FAM193A: variants seen among roughly 807,000 people sequenced by gnomAD.
The protein encoded by FAM193A is protein FAM193A.
FAM193A carries 22 observed loss-of-function variants against 126.5 expected under a neutral mutation model. That is an observed-to-expected ratio of 0.17 (90% CI 0.12 to 0.25). The LOEUF (loss-of-function observed/expected upper bound fraction) is 0.25. FAM193A is among the 10% of genes least tolerant of loss of function. FAM193A has a pLI of 1.00. For synonymous variants in FAM193A, 761 were observed against 646.8 expected, an observed-to-expected ratio of 1.18 and a Z score of -2.68; for missense variants, 1,675 against 1,672.8, an observed-to-expected ratio of 1.00 and a Z score of -0.02.
chr4:2,715,177 GT>G (rs1252672691), intron 19 of FAM193A: 1 of 152,220 alleles, frequency 6.6e-6, no homozygotes, highest in Non-Finnish European at 1.5e-5. Flanking sequence ...ACTTGAAAGT[GT>G]TTGGCCAGGC....
chr4:2,669,571 T>G (rs1713553881), intron 12 of FAM193A, among the ~76,000 whole-genome samples: 1 of 152,210 alleles, frequency 6.6e-6, no homozygotes, highest in Non-Finnish European at 1.5e-5. Flanking sequence ...ATCGCGCCAT[T>G]GCGCTCCAGC....
chr4:2,680,412 C>T (rs1186484068), intron 13 of FAM193A, among the ~76,000 whole-genome samples: 1 of 152,120 alleles, frequency 6.6e-6, no homozygotes, highest in Non-Finnish European at 1.5e-5. Flanking sequence ...CCTCAAACTC[C>T]TGGGCTCAAG....
chr4:2,694,648 G>A (rs536234858), intron 16 of FAM193A, among the ~76,000 whole-genome samples: 1 of 152,250 alleles, frequency 6.6e-6, no homozygotes, highest in South Asian at 2.1e-4. Context: ...CCCTTAGTAT[G>A]GAAGCTGTGG....
chr4:2,697,150 C>A (rs1717134360), intron 18 of FAM193A, among the ~76,000 whole-genome samples: 3 of 152,056 alleles, frequency 2.0e-5, no homozygotes, highest in Non-Finnish European at 4.4e-5. Context: ...TGAGCAGTTC[C>A]CTCCTTACCA....
At chr4:2,608,245 C>T in intron 2 of FAM193A, 1 of 846,222 alleles carries the variant, frequency 1.2e-6, no homozygotes, top group Non-Finnish European at 1.8e-6. Context: ...GTGGTGCAAT[C>T]CTGATTCTCT....
chr4:2,622,850 C>T (rs1742638058), intron 2 of FAM193A, among the ~76,000 whole-genome samples: 1 of 152,096 alleles, frequency 6.6e-6, no homozygotes, highest in African/African-American at 2.4e-5. Flanking sequence ...CTTCCTGATA[C>T]ATTACCTTAG....
chr4:2,569,662 T>C (rs1235293408), intron 1 of FAM193A, among the ~76,000 whole-genome samples: 1 of 152,026 alleles, frequency 6.6e-6, no homozygotes, highest in African/African-American at 2.4e-5. Flanking sequence ...CACACCCGGT[T>C]AATTTTTAAA....
chr4:2,599,730 C>T (rs73791839), intron 2 of FAM193A, among the ~76,000 whole-genome samples: 10,490 of 148,362 alleles, frequency 0.071, 657 homozygotes, highest in African/African-American at 0.17. Context: ...CTTGTCTTCT[C>T]TTGCCATAGT....
intron 3 of FAM193A, 127 bp from the exon 4 acceptor site, chr4:2,626,283 C>A: frequency 1.6e-6 from 1 of 624,316 alleles, no homozygotes; most frequent in Non-Finnish European, 2.9e-6. Flanking sequence ...CTGACAGCAG[C>A]CTGATTGCCG....
intron 1 of FAM193A, among the ~76,000 whole-genome samples, chr4:2,591,162 G>A (rs1281077097): frequency 2.6e-5 from 4 of 152,078 alleles, no homozygotes; most frequent in Non-Finnish European, 4.4e-5. Flanking sequence ...GGGATGCCTC[G>A]CAGTTGTCTT....
At chr4:2,653,888 G>T (rs1045201200) in intron 7 of FAM193A, among the ~76,000 whole-genome samples, 1 of 152,182 alleles carries the variant, frequency 6.6e-6, no homozygotes, top group Non-Finnish European at 1.5e-5. Context: ...GTGGGAGGTT[G>T]TGGGGAGCTG....
intron 1 of FAM193A, among the ~76,000 whole-genome samples, chr4:2,537,460 A>C (rs1472856340): frequency 6.6e-6 from 1 of 152,210 alleles, no homozygotes; most frequent in African/African-American, 2.4e-5. Flanking sequence ...GCTGGTCCGC[A>C]GGCTGGAGCA....
intron 20 of FAM193A, among the ~76,000 whole-genome samples, chr4:2,717,974 A>C (rs1296928095): frequency 6.6e-6 from 1 of 152,180 alleles, no homozygotes; most frequent in East Asian, 1.9e-4. Flanking sequence ...TTTTAAATAC[A>C]CAGAACTAAA....
intron 5 of FAM193A, among the ~76,000 whole-genome samples, chr4:2,636,740 C>A (rs528701986): frequency 1.3e-5 from 2 of 152,194 alleles, no homozygotes; most frequent in South Asian, 2.1e-4. Flanking sequence ...CTAAAGTTTT[C>A]TTTTTTGCTT....
intron 12 of FAM193A, among the ~76,000 whole-genome samples, chr4:2,664,532 C>T (rs982672952): frequency 4.4e-4 from 65 of 147,490 alleles, no homozygotes; most frequent in Non-Finnish European, 2.7e-4. Flanking sequence ...CAGCTTGGTA[C>T]ACCTTTCTCT....
intron 1 of FAM193A, among the ~76,000 whole-genome samples, chr4:2,552,235 C>T (rs846090): frequency 0.66 from 99,337 of 151,382 alleles, 33,638 homozygotes; most frequent in African/African-American, 0.82. Flanking sequence ...ATGATCTCGA[C>T]CTCCTGACCT....
chr4:2,696,646 G>A, intron 18 of FAM193A, 53 bp downstream of exon 18: 1 of 1,417,626 alleles, frequency 7.1e-7, no homozygotes, highest in Non-Finnish European at 9.9e-7. Flanking sequence ...GCATTTGAAG[G>A]TGCCGTGCCA....
At chr4:2,545,139 T>G (rs1452895173) in intron 1 of FAM193A, among the ~76,000 whole-genome samples, 1 of 152,076 alleles carries the variant, frequency 6.6e-6, no homozygotes, top group Admixed American at 6.6e-5. Flanking sequence ...ATTACAGGCA[T>G]GCGCCGCCAT....
intron 2 of FAM193A, among the ~76,000 whole-genome samples, chr4:2,623,161 A>T (rs2108970309): frequency 6.6e-6 from 1 of 151,322 alleles, no homozygotes; most frequent in African/African-American, 2.4e-5. Context: ...GCGGCAGCTG[A>T]GCTGGGTCCC....
Sources: allele counts gnomAD v4.1 joint callset (sites outside exome capture counted in the v4.1 genomes callset), GRCh38; gene constraint gnomAD v4.1.1; transcripts MANE v1.5; gene names NCBI Gene and HGNC (gene_info 2026-07-23, HGNC 2026-07-21).